The following CNTNAP4 variants were observed in gnomAD, a reference collection of about 807,000 sequenced individuals.
CNTNAP4 encodes contactin associated protein family member 4, also known as contactin-associated protein-like 4.
In CNTNAP4, 98 loss-of-function variants were observed where a neutral mutation model predicts 148.4. The observed-to-expected ratio is 0.66, with a 90% CI of 0.56 to 0.78. The LOEUF (loss-of-function observed/expected upper bound fraction) is 0.78. Among genes scored for constraint, CNTNAP4 ranks in the 30% least tolerant of loss-of-function variants. CNTNAP4 has a pLI of 0.00. For synonymous variants in CNTNAP4, 730 were observed against 565.1 expected, an observed-to-expected ratio of 1.29 and a Z score of -4.14; for missense variants, 1,935 against 1,565.6, an observed-to-expected ratio of 1.24 and a Z score of -3.98.
Position 76,407,999 on chromosome 16 carries a change from G to C in CNTNAP4, c.391-19453G>C, listed in dbSNP as rs1406792816. On this transcript the variant is annotated intron_variant, in intron 3 of 23. Transcript: ENST00000611870. ...ATCAGTCAGCAGCGATCAATATCGA[G>C]GCAAGAACCTCTACCAGGAAAAAGA... 2.0e-5 allele frequency among the ~76,000 whole-genome samples: 3 copies of C among 151,986 alleles called. No individual in the cohort carries two copies. The South Asian group carries it at 6.2e-4, about 32-fold the overall frequency.
intron 3 of CNTNAP4, among the ~76,000 whole-genome samples, chr16:76,385,395 A>G (rs1282208493): frequency 6.6e-6 from 1 of 152,214 alleles, no homozygotes; most frequent in African/African-American, 2.4e-5. Flanking sequence ...TATTTTAGCA[A>G]TTTTGATTAT....
chr16:76,345,702 G>A (rs1667384291), intron 2 of CNTNAP4, among the ~76,000 whole-genome samples: 1 of 152,182 alleles, frequency 6.6e-6, no homozygotes, highest in Non-Finnish European at 1.5e-5. Context: ...TTTCAAAGGG[G>A]TGGCTCCCAG....
intron 8 of CNTNAP4, 49 bp from the exon 9 acceptor site, chr16:76,461,907 T>G (rs766156831): frequency 6.4e-7 from 1 of 1,560,776 alleles, no homozygotes; most frequent in Non-Finnish European, 8.8e-7. Context: ...ACCAACTCCT[T>G]ATAGTGTTCA....
intron 3 of CNTNAP4, among the ~76,000 whole-genome samples, chr16:76,393,418 C>G (rs752978693): frequency 2.0e-5 from 3 of 152,178 alleles, no homozygotes; most frequent in Non-Finnish European, 2.9e-5. Flanking sequence ...TTGCTTAAGA[C>G]TATCATTTTG....
At chr16:76,419,847 T>C (rs184801998) in intron 3 of CNTNAP4, among the ~76,000 whole-genome samples, 29 of 152,204 alleles carry the variant, frequency 1.9e-4, no homozygotes, top group Non-Finnish European at 7.4e-5. Flanking sequence ...CTGCTGTGTC[T>C]GCACCTGGTG....
chr16:76,307,818 A>G lies in CNTNAP4; in HGVS notation c.86-8595A>G, dbSNP rs116797480. Among the ~76,000 whole-genome samples the G allele has an allele frequency of 6.1e-3, 922 of 152,288 alleles. 8 individuals carry two copies. The highest frequency in any genetic ancestry group is 0.021 in the African/African-American group (892 of 41,556). ...CAGCCCCTGGCTGTTCTGTCATTAGAAGTTAACTGCCTTCCCATTAATCCA... is the reference window on the plus strand; with the variant it reads ...CAGCCCCTGGCTGTTCTGTCATTAGGAGTTAACTGCCTTCCCATTAATCCA... On this transcript the variant is annotated intron_variant, in intron 1 of 23. Transcript: ENST00000611870.
intron 3 of CNTNAP4, among the ~76,000 whole-genome samples, chr16:76,403,096 T>G (rs1597432952): frequency 1.4e-5 from 2 of 146,760 alleles, no homozygotes; most frequent in African/African-American, 2.5e-5. Flanking sequence ...TGGGTTTTAT[T>G]TTTTTTTTTT....
Position 76,558,671 on chromosome 16 carries a change from G to A in CNTNAP4, c.3915G>A (p.Glu1305=). The A allele has an allele frequency of 3.1e-6, 5 of 1,605,582 alleles. No homozygotes were observed. The highest frequency in any genetic ancestry group is 3.4e-6 in the Non-Finnish European group (4 of 1,176,354). ...IQNAVNENQK[E]YFF Reference sequence around the variant, plus strand: ...ATGCAGTCAATGAAAATCAGAAAGAGTACTTCTTCTGATTGGCAGCTATGA... The same window carrying A: ...ATGCAGTCAATGAAAATCAGAAAGAATACTTCTTCTGATTGGCAGCTATGA... Residue 1305 remains glutamate, a synonymous_variant, in exon 24 of 24, where the codon GAG becomes GAA. Coordinates refer to ENST00000611870, the MANE Select transcript of CNTNAP4 (RefSeq NM_033401.5).
intron 3 of CNTNAP4, among the ~76,000 whole-genome samples, chr16:76,396,331 C>G (rs767168035): frequency 1.3e-5 from 2 of 152,166 alleles, no homozygotes; most frequent in Non-Finnish European, 1.5e-5. Flanking sequence ...AGAAACACAC[C>G]TATAGGCACA....
chr16:76,471,497 C>T (rs1333192457), intron 10 of CNTNAP4, among the ~76,000 whole-genome samples: 1 of 152,144 alleles, frequency 6.6e-6, no homozygotes, highest in Non-Finnish European at 1.5e-5. Context: ...TCCTTGCCTC[C>T]AGCCTCTGCA....
chr16:76,372,645 A>G (rs1052715963), intron 3 of CNTNAP4, among the ~76,000 whole-genome samples: 2 of 152,108 alleles, frequency 1.3e-5, no homozygotes, highest in Non-Finnish European at 2.9e-5. Flanking sequence ...CTTTTCTGCC[A>G]CCATGTAAGA....
intron 15 of CNTNAP4, among the ~76,000 whole-genome samples, chr16:76,513,048 G>T (rs1250414855): frequency 6.6e-6 from 1 of 152,130 alleles, no homozygotes; most frequent in Non-Finnish European, 1.5e-5. Context: ...ATGGTAAATG[G>T]GGGAGAAAGT....
intron 17 of CNTNAP4, among the ~76,000 whole-genome samples, chr16:76,530,201 T>C (rs894303164): frequency 6.6e-6 from 1 of 152,176 alleles, no homozygotes; most frequent in Non-Finnish European, 1.5e-5. Context: ...TATAATATAT[T>C]CCAGATTTTT....
intron 1 of CNTNAP4, among the ~76,000 whole-genome samples, chr16:76,304,284 A>G (rs1960262755): frequency 6.6e-6 from 1 of 152,148 alleles, no homozygotes; most frequent in African/African-American, 2.4e-5. Flanking sequence ...TGTAATCACT[A>G]TGCTGCACAA....
At chr16:76,512,762 G>C (rs2083077596) in intron 15 of CNTNAP4, among the ~76,000 whole-genome samples, 2 of 152,088 alleles carry the variant, frequency 1.3e-5, no homozygotes, top group African/African-American at 4.8e-5. Flanking sequence ...GAGGTGAAGA[G>C]GAAGCAAGAA....
chr16:76,532,800 G>A (rs887525588), intron 17 of CNTNAP4, among the ~76,000 whole-genome samples: 10 of 152,228 alleles, frequency 6.6e-5, no homozygotes, highest in Non-Finnish European at 1.3e-4. Context: ...TTGAGCCCTG[G>A]GAGCTCACTG....
chr16:76,309,775 C>CCGTGCTATTCT lies in CNTNAP4; in HGVS notation c.86-6633_86-6623dup, dbSNP rs1382130809. The CCGTGCTATTCT allele has an allele frequency of 1.2e-5, 8 of 690,742 alleles. No homozygotes were observed. The African/African-American group carries it at 1.4e-4, about 12-fold the overall frequency. 42.8% of individuals were successfully genotyped at this position (690,742 alleles called of 1,614,324 possible). ...GGCGGAGGGGGTGGTCCGGGCTTTC[C>CCGTGCTATTCT]CGTGCTATTCTCGTGATAGTGAGTA... On this transcript the variant is annotated intron_variant, in intron 1 of 23. Transcript: ENST00000611870.
intron 2 of CNTNAP4, among the ~76,000 whole-genome samples, chr16:76,353,064 C>T (rs1242850598): frequency 6.6e-6 from 1 of 152,268 alleles, no homozygotes; most frequent in Admixed American, 6.5e-5. Flanking sequence ...CACCCCAAAT[C>T]ACAGGTTCTT....
intron 15 of CNTNAP4, among the ~76,000 whole-genome samples, 189 bp downstream of exon 15, chr16:76,498,883 G>T (rs1413591482): frequency 6.6e-6 from 1 of 152,080 alleles, no homozygotes; most frequent in African/African-American, 2.4e-5. Context: ...GTAGAATGGT[G>T]GTTTCCAGGG....
Sources: gnomAD v4.1 joint callset for allele counts (sites outside exome capture counted in the v4.1 genomes callset) on GRCh38, gnomAD v4.1.1 for gene constraint, MANE v1.5 for transcripts, NCBI Gene and HGNC (gene_info 2026-07-23, HGNC 2026-07-21) for gene names.